Variants in EP300 observed in about 807,000 individuals in gnomAD.
The protein encoded by EP300 is histone acetyltransferase p300.
A neutral mutation model predicts 264.0 loss-of-function variants in EP300; 31 were observed. The ratio of observed to expected loss-of-function variants is 0.12; its 90% CI spans 0.09 to 0.16. The LOEUF (loss-of-function observed/expected upper bound fraction) is 0.16. EP300 is among the 10% of genes least tolerant of loss of function. The probability of loss-of-function intolerance (pLI) is 1.00; values close to 1 mark genes in which losing one functional copy is unlikely to be tolerated. For missense variants in EP300, 2,766 were observed against 3,052.9 expected, an observed-to-expected ratio of 0.91 and a Z score of 2.21; for synonymous variants, 1,340 against 1,045.4, an observed-to-expected ratio of 1.28 and a Z score of -5.44.
rs1179346791 is a variant in EP300 at position 41,110,438 on chromosome 22, A to G, written c.95-6749A>G. ...CTCCCGACTAGCTGGGACTACAGGC[A>G]TGCTCCACCATTCCCGGCTGATTTT... On this transcript the variant is annotated intron_variant, in intron 1 of 30. Transcript: ENST00000263253. Among the ~76,000 whole-genome samples the G allele has an allele frequency of 2.7e-5, 4 of 150,404 alleles. No individual in the cohort carries two copies. In the East Asian group the frequency reaches 5.9e-4, roughly 22 times the overall value.
At chr22:41,135,756 T>C in intron 6 of EP300, 57 bp from the exon 7 acceptor site, 3 of 1,276,776 alleles carry the variant, frequency 2.3e-6, no homozygotes, top group Non-Finnish European at 3.4e-6. Flanking sequence ...TTATAGTATT[T>C]ATTGTATGGT....
chr22:41,179,056 C>A lies in EP300; in HGVS notation c.*100C>A. ...TTTGAATCTTTCGTAGCCTAAAAGA[C>A]AATTTTCCTTGGAACACATAAGAAC... On this transcript the variant is annotated 3_prime_UTR_variant, in exon 31 of 31. Coordinates refer to ENST00000263253, the MANE Select transcript of EP300 (RefSeq NM_001429.4). 7.0e-7 allele frequency: 1 copy of A among 1,435,596 alleles called. No homozygotes were observed. The highest frequency in any genetic ancestry group is 9.5e-7 in the Non-Finnish European group (1 of 1,047,828). The allele number at this position is 1,435,596 out of a possible 1,614,324, so 88.9% of individuals were successfully genotyped here. A position where few individuals can be genotyped will look rare whatever the true frequency, so the allele number is the denominator to read the frequency against.
rs760859922 is a variant in EP300, at chr22:41,149,024, T to G, written c.2242-14T>G. On this transcript the variant is annotated splice_polypyrimidine_tract_variant and intron_variant, in intron 12 of 30. Coordinates refer to ENST00000263253, the MANE Select transcript of EP300 (RefSeq NM_001429.4). ...TGAAGCAGTTTGGTGATTTGTGTTT[T>G]TTTTTTTTTTCAGCCTATGGGCTAT... The G allele has an allele frequency of 2.7e-5, 44 of 1,609,670 alleles. No homozygotes were observed. The African/African-American group carries it at 3.3e-4, about 12-fold the overall frequency.
chr22:41,153,036 A>G (rs1489079176), intron 16 of EP300, among the ~76,000 whole-genome samples: 1 of 152,172 alleles, frequency 6.6e-6, no homozygotes, highest in Non-Finnish European at 1.5e-5. Context: ...GATTACAGGC[A>G]TGAGCTACCA....
Position 41,169,584 on chromosome 22 carries a change from A to G in EP300, c.4254A>G (p.Leu1418=). The G allele has an allele frequency of 6.2e-7, 1 of 1,607,702 alleles. No individual in the cohort carries two copies. Among genetic ancestry groups the G allele is most frequent in the Non-Finnish European group, 8.5e-7 (1 of 1,176,066 alleles). ...CLRTAVYHEI[L]IGYLEYVKKL... ...GGACTGCAGTCTATCATGAAATCCT[A>G]ATTGGATATTTAGAATATGTCAAGA... The change falls in exon 26 of 31, where the codon CTA becomes CTG. Residue 1418 remains leucine, a synonymous_variant. Transcript: ENST00000263253.
At chr22:41,142,255 C>T (rs1050991756) in intron 10 of EP300, among the ~76,000 whole-genome samples, 8 of 152,156 alleles carry the variant, frequency 5.3e-5, no homozygotes, top group African/African-American at 1.7e-4. Context: ...ACTGAGCCAG[C>T]GGGCAGTAAA....
intron 1 of EP300, among the ~76,000 whole-genome samples, chr22:41,104,659 T>C (rs1470922384): frequency 6.6e-6 from 1 of 152,184 alleles, no homozygotes; most frequent in East Asian, 1.9e-4. Context: ...GAATTGTCAA[T>C]GTGAATTTTC....
In EP300 at chr22:41,179,471, T is replaced by A. The variant is rs971007317; in HGVS notation, c.*515T>A. 1 of 163,930 alleles carries A rather than the reference T, an allele frequency of 6.1e-6. No homozygotes were observed. The highest frequency in any genetic ancestry group is 2.6e-3 in the Middle Eastern group (1 of 388). The allele number at this position is 163,930 out of a possible 1,614,324, so 10.2% of individuals were successfully genotyped here. On this transcript the variant is annotated 3_prime_UTR_variant, in exon 31 of 31. Coordinates refer to ENST00000263253, the MANE Select transcript of EP300 (RefSeq NM_001429.4). Reference sequence around the variant, plus strand: ...ATATATATATAAATATATATAAATATATATTAAAATACCAGTTTTTTTTCT... The same window carrying A: ...ATATATATATAAATATATATAAATAAATATTAAAATACCAGTTTTTTTTCT...
At chr22:41,155,278 G>A (rs961708568) in intron 17 of EP300, among the ~76,000 whole-genome samples, 165 bp downstream of exon 17, 4 of 151,670 alleles carry the variant, frequency 2.6e-5, no homozygotes, top group Admixed American at 2.6e-4. Flanking sequence ...GCCTAGGCTG[G>A]AGTGCAGTGG....
intron 1 of EP300, among the ~76,000 whole-genome samples, chr22:41,095,223 A>C (rs2058695538): frequency 7.1e-6 from 1 of 141,650 alleles, no homozygotes; most frequent in Non-Finnish European, 1.5e-5. Flanking sequence ...CAAGTTGGGT[A>C]CCATTGTAAT....
chr22:41,156,878 C>T (rs2059080444), intron 17 of EP300, among the ~76,000 whole-genome samples: 1 of 152,200 alleles, frequency 6.6e-6, no homozygotes, highest in South Asian at 2.1e-4. Context: ...ATGTCTTTGA[C>T]TTTACTGATC....
intron 8 of EP300, 96 bp from the exon 9 acceptor site, chr22:41,140,044 T>C (rs951152292): frequency 1.2e-6 from 1 of 867,516 alleles, no homozygotes; most frequent in Non-Finnish European, 2.0e-6. Flanking sequence ...TTGCCATTAT[T>C]TTTTCTTTTC....
At chr22:41,131,694 C>T (rs1227926474) in intron 6 of EP300, 61 bp downstream of exon 6, 6 of 1,609,240 alleles carry the variant, frequency 3.7e-6, no homozygotes, top group Non-Finnish European at 4.2e-6. Flanking sequence ...CATCTATAAA[C>T]ACAGTGTTGT....
intron 2 of EP300, among the ~76,000 whole-genome samples, chr22:41,120,165 C>T (rs558691787): frequency 6.6e-6 from 1 of 152,240 alleles, no homozygotes; most frequent in East Asian, 1.9e-4. Context: ...CAGTGTTTGA[C>T]AAATGAGGGA....
Position 41,176,397 on chromosome 22 carries a change from C to T in EP300, c.4930C>T (p.Leu1644Phe), listed in dbSNP as rs773501564. The T allele has an allele frequency of 1.9e-6, 3 of 1,614,102 alleles. No individual in the cohort carries two copies. Among genetic ancestry groups the T allele is most frequent in the Non-Finnish European group, 2.5e-6 (3 of 1,180,052 alleles). ...GGACAAGCACCTGGAGTTCTCTTCA[C>T]TCCGAAGAGCCCAGTGGTCCACCAT... ...ARDKHLEFSS[L>F]RRAQWSTMCM... Residue 1644 changes from leucine (L) to phenylalanine (F), a missense_variant, in exon 30 of 31, where the codon CTC (leucine) becomes TTC (phenylalanine). Coordinates refer to ENST00000263253, the MANE Select transcript of EP300 (RefSeq NM_001429.4).
Position 41,158,435 on chromosome 22 carries a change from G to C in EP300, c.3525G>C (p.Leu1175=), listed in dbSNP as rs1185559403. ...AGTTGGAGTTCTCTCCACAGACACT[G>C]TGTTGCTACGGCAAACAGTTGTGCA... ...GRKLEFSPQT[L]CCYGKQLCTI... The change falls in exon 19 of 31, where the codon CTG becomes CTC. Residue 1175 remains leucine, a synonymous_variant. Coordinates refer to ENST00000263253, the MANE Select transcript of EP300 (RefSeq NM_001429.4). 1.2e-6 allele frequency: 2 copies of C among 1,614,134 alleles called. No homozygotes were observed. The highest frequency in any genetic ancestry group is 1.1e-5 in the South Asian group (1 of 91,084).
chr22:41,163,359 T>C (rs374660994), intron 21 of EP300, among the ~76,000 whole-genome samples: 94 of 120,580 alleles, frequency 7.8e-4, no homozygotes, highest in South Asian at 3.9e-3. Flanking sequence ...GGCGTGAACC[T>C]GGGAGGCGGA....
intron 24 of EP300, 52 bp downstream of exon 24, chr22:41,168,651 C>T (rs760755323): frequency 6.2e-7 from 1 of 1,614,184 alleles, no homozygotes; most frequent in South Asian, 1.1e-5. Flanking sequence ...ATTGCTCATA[C>T]ATGGTTACTA....
chr22:41,145,737 C>T (rs1461060606), intron 10 of EP300, among the ~76,000 whole-genome samples: 2 of 152,118 alleles, frequency 1.3e-5, no homozygotes, highest in South Asian at 2.1e-4. Context: ...CCCGGGTTCA[C>T]GCCATTCTCC....
Sources: allele counts gnomAD v4.1 joint callset (sites outside exome capture counted in the v4.1 genomes callset), GRCh38; gene constraint gnomAD v4.1.1; transcripts MANE v1.5; gene names NCBI Gene and HGNC (gene_info 2026-07-23, HGNC 2026-07-21).